ADGRA1: variants seen among roughly 807,000 people sequenced by gnomAD.
The protein encoded by ADGRA1 is adhesion G protein-coupled receptor A1, also known as G-protein coupled receptor 123.
ADGRA1 carries 12 observed loss-of-function variants against 21.3 expected under a neutral mutation model. The ratio of observed to expected loss-of-function variants is 0.56; its 90% confidence interval spans 0.36 to 0.91. ADGRA1 has a LOEUF of 0.91. Ranked by LOEUF, ADGRA1 falls within the 40% of genes least tolerant of loss-of-function variation. The pLI, the probability that ADGRA1 is intolerant of heterozygous loss-of-function variation, is 0.01. For synonymous variants in ADGRA1, 385 were observed against 368.8 expected (o/e 1.04, Z -0.50); for missense variants, 790 against 805.6 (o/e 0.98, Z 0.23).
intron 2 of ADGRA1, among the ~76,000 whole-genome samples, chr10:133,091,134 C>A (rs1851590360): frequency 6.6e-6 from 1 of 152,254 alleles, no homozygotes; most frequent in Non-Finnish European, 1.5e-5. Context: ...ACTTCGCACC[C>A]TGTAACTTGC....
At chr10:133,113,285 G>T (rs945465028) in intron 5 of ADGRA1, among the ~76,000 whole-genome samples, 1 of 150,108 alleles carries the variant, frequency 6.7e-6, no homozygotes, top group African/African-American at 2.4e-5. Context: ...GCCGTGTTTC[G>T]GTTTGGAAGT....
At chr10:133,096,838 C>T in intron 2 of ADGRA1, 136 bp from the exon 3 acceptor site, 1 of 1,098,810 alleles carries the variant, frequency 9.1e-7, no homozygotes, top group Non-Finnish European at 1.3e-6. Flanking sequence ...AGGCAGCCCC[C>T]CTTCCCTGAG....
At chr10:133,103,027 T>A (rs1380679465) in intron 5 of ADGRA1, among the ~76,000 whole-genome samples, 185 bp downstream of exon 5, 2 of 132,914 alleles carry the variant, frequency 1.5e-5, no homozygotes, top group African/African-American at 5.7e-5. Flanking sequence ...TAGGGTGGTG[T>A]GCTGGAGGGG....
intron 3 of ADGRA1, among the ~76,000 whole-genome samples, chr10:133,097,807 G>A (rs370260885): frequency 1.7e-4 from 26 of 152,324 alleles, no homozygotes; most frequent in African/African-American, 5.5e-4. Flanking sequence ...TGTCTGGTGC[G>A]TCTGGAGAGG....
rs534279363 is a variant in ADGRA1 at position 133,116,298 on chromosome 10, T to C, written c.402-10935T>C. ...CTTCGCCTATAACAGTCCCTCGGCCTGTGGGGGACCCCAAAGCTCCCAGCC... is the reference window on the plus strand; with the variant it reads ...CTTCGCCTATAACAGTCCCTCGGCCCGTGGGGGACCCCAAAGCTCCCAGCC... On this transcript the variant is annotated intron_variant, in intron 5 of 6. Transcript: ENST00000392607. 2.0e-5 allele frequency among the ~76,000 whole-genome samples: 3 copies of C among 152,184 alleles called. No homozygotes were observed. In the East Asian group the frequency reaches 5.8e-4, roughly 30 times the overall value.
At chr10:133,118,041 C>T (rs569778501) in intron 5 of ADGRA1, among the ~76,000 whole-genome samples, 1 of 152,318 alleles carries the variant, frequency 6.6e-6, no homozygotes, top group East Asian at 1.9e-4. Context: ...CCAGGTGAGC[C>T]CTGCGGGGAG....
At chr10:133,090,101 C>T (rs1021468395) in intron 2 of ADGRA1, among the ~76,000 whole-genome samples, 5 of 152,262 alleles carry the variant, frequency 3.3e-5, no homozygotes, top group African/African-American at 2.4e-5. Flanking sequence ...GGACAGTGAA[C>T]GGAGAAGGGC....
chr10:133,105,480 A>G (rs1288836484), intron 5 of ADGRA1, among the ~76,000 whole-genome samples: 1 of 151,962 alleles, frequency 6.6e-6, no homozygotes, highest in Non-Finnish European at 1.5e-5. Flanking sequence ...CGCCATCCTG[A>G]AGGCCCACAG....
At chr10:133,115,969 G>A (rs1030604948) in intron 5 of ADGRA1, among the ~76,000 whole-genome samples, 6 of 150,934 alleles carry the variant, frequency 4.0e-5, no homozygotes, top group African/African-American at 9.8e-5. Flanking sequence ...TATCCCTCCC[G>A]CTCACCTCTC....
intron 5 of ADGRA1, among the ~76,000 whole-genome samples, chr10:133,119,077 C>T (rs60041314): frequency 0.17 from 25,304 of 152,126 alleles, 2,875 homozygotes; most frequent in African/African-American, 0.32. Flanking sequence ...CACACACACA[C>T]GCACTCACAT....
intron 4 of ADGRA1, among the ~76,000 whole-genome samples, chr10:133,099,292 C>T (rs561838165): frequency 1.6e-4 from 25 of 152,210 alleles, no homozygotes; most frequent in Admixed American, 1.4e-3. Flanking sequence ...CACAGCCCAC[C>T]CCTCCCGGAG....
chr10:133,101,320 GT>G (rs1475713602), intron 4 of ADGRA1, among the ~76,000 whole-genome samples: 1 of 152,226 alleles, frequency 6.6e-6, no homozygotes, highest in Non-Finnish European at 1.5e-5. Context: ...AGGACGGACT[GT>G]TGCTATGGCA....
chr10:133,128,463 G>A lies in ADGRA1; in HGVS notation c.635G>A (p.Arg212His), dbSNP rs779122897. Residue 212 changes from arginine to histidine, a missense_variant, in exon 7 of 7, where the codon CGC (arginine) becomes CAC (histidine). Arg to His is a conservative substitution (Grantham distance 29, BLOSUM62 0). Around this residue, in one of 3 missense-constraint regions of ADGRA1, gnomAD observed 382 missense variants for 415.6 expected, o/e 0.92. Transcript: ENST00000392607. The part of the protein sequence containing the change: ...RRHPGRRYEL[R>H]TQPEEQRRLA... ...CACCCAGGGCGCAGGTACGAGCTGCGCACACAGCCCGAGGAGCAGCGGCGG... is the reference window on the plus strand; with the variant it reads ...CACCCAGGGCGCAGGTACGAGCTGCACACACAGCCCGAGGAGCAGCGGCGG... 1.3e-5 allele frequency: 21 copies of A among 1,590,758 alleles called. No individual in the cohort carries two copies. The highest frequency in any genetic ancestry group is 6.9e-5 in the Admixed American group (4 of 57,638).
rs563471519 is a variant in ADGRA1 at position 133,118,404 on chromosome 10, G to A, written c.402-8829G>A. Among the ~76,000 whole-genome samples, 207 of 152,180 alleles carry A rather than the reference G, an allele frequency of 1.4e-3. 1 individual carries two copies. The highest frequency in any genetic ancestry group is 4.6e-3 in the African/African-American group (189 of 41,518). On this transcript the variant is annotated intron_variant, in intron 5 of 6. Transcript: ENST00000392607. ...TGCCATAAAGAAATACCCAAGAGTG[G>A]GTAATTTATAAAGGAAAGAAGTTTA...
intron 4 of ADGRA1, chr10:133,102,415 T>C: frequency 1.7e-6 from 1 of 571,878 alleles, no homozygotes; most frequent in Admixed American, 2.2e-5. Flanking sequence ...GGGTTGTGCA[T>C]GCAGAGGGGC....
In ADGRA1 at chr10:133,129,649, TCACACCCCTGCCCCTTCCTTGTGA is replaced by T. The variant is rs1349940789; in HGVS notation, c.*139_*162del. 10 of 411,210 alleles carry T rather than the reference TCACACCCCTGCCCCTTCCTTGTGA, an allele frequency of 2.4e-5. No homozygotes were observed. Among genetic ancestry groups the T allele is most frequent in the Non-Finnish European group, 2.1e-5 (5 of 232,590 alleles). The allele number at this position is 411,210 out of a possible 1,614,324, so 25.5% of individuals were successfully genotyped here. A position where few individuals can be genotyped will look rare whatever the true frequency, so the allele number is the denominator to read the frequency against. On this transcript the variant is annotated 3_prime_UTR_variant, in exon 7 of 7. Coordinates refer to ENST00000392607, the MANE Select transcript of ADGRA1 (RefSeq NM_001083909.3). ...TCACACCCCTGCCCCTTCCTTGTGA[TCACACCCCTGCCCCTTCCTTGTGA>T]TCACACCCCTGCCCCTTCCTTGTGA...
chr10:133,092,751 G>GGAAGGAAGGAAGGAAGGAAGGAAGGA (rs1564842382), intron 2 of ADGRA1, among the ~76,000 whole-genome samples: 5 of 77,638 alleles, frequency 6.4e-5, no homozygotes, highest in African/African-American at 3.1e-4. Context: ...AATAGGGAGG[G>GGAAGGAAGGAAGGAAGGAAGGAAGGA]AGGAAGGAAG....
At chr10:133,124,440 C>T (rs963484510) in intron 5 of ADGRA1, among the ~76,000 whole-genome samples, 1 of 152,288 alleles carries the variant, frequency 6.6e-6, no homozygotes, top group African/African-American at 2.4e-5. Flanking sequence ...AACCTTCCCC[C>T]AAAGGCAGTG....
At position 133,128,875 on chromosome 10, in the gene ADGRA1, G is replaced by C; in HGVS notation, c.1047G>C (p.Leu349=). ...GRAACLHSPG[L]GQPRGFAHPP... Reference sequence around the variant, plus strand: ...CCGCCTGCCTGCACTCGCCGGGACTGGGCCAGCCACGGGGCTTCGCGCACC... The same window carrying C: ...CCGCCTGCCTGCACTCGCCGGGACTCGGCCAGCCACGGGGCTTCGCGCACC... The change falls in exon 7 of 7, where the codon CTG becomes CTC. Residue 349 remains leucine (L), a synonymous_variant. Transcript: ENST00000392607. 1.3e-6 allele frequency: 2 copies of C among 1,572,988 alleles called. No homozygotes were observed. The highest frequency in any genetic ancestry group is 2.7e-5 in the African/African-American group (2 of 74,240).
Sources: allele counts gnomAD v4.1 joint callset (sites outside exome capture counted in the v4.1 genomes callset), GRCh38; gene constraint gnomAD v4.1.1; regional missense constraint gnomAD v4.1.1; transcripts MANE v1.5; gene names NCBI Gene and HGNC (gene_info 2026-07-23, HGNC 2026-07-21).